IRAG1: variants seen among roughly 807,000 people sequenced by gnomAD.
The protein encoded by IRAG1 is inositol 1,4,5-triphosphate receptor associated 1.
A neutral mutation model predicts 106.2 loss-of-function variants in IRAG1; 62 were observed. The ratio of observed to expected loss-of-function variants is 0.58; its 90% CI spans 0.48 to 0.72. IRAG1 has a LOEUF of 0.72. Among genes scored for constraint, IRAG1 ranks in the 30% least tolerant of loss-of-function variants. The pLI is 0.00. For synonymous variants in IRAG1, 462 were observed against 443.9 expected (o/e 1.04, Z -0.51); for missense variants, 1,064 against 1,140.7 (o/e 0.93, Z 0.97).
chr11:10,675,519 CA>C (rs1397599756), intron 1 of IRAG1, among the ~76,000 whole-genome samples: 1 of 152,204 alleles, frequency 6.6e-6, no homozygotes, highest in African/African-American at 2.4e-5. Flanking sequence ...TAATTCCTAA[CA>C]ATGACGACTG....
chr11:10,660,356 C>A (rs567898754), intron 1 of IRAG1, among the ~76,000 whole-genome samples: 62 of 152,290 alleles, frequency 4.1e-4, no homozygotes, highest in African/African-American at 1.4e-3. Flanking sequence ...AGATTTATTT[C>A]TATTGTCTCT....
chr11:10,621,909 A>G (rs1855864984), intron 10 of IRAG1, among the ~76,000 whole-genome samples: 1 of 152,198 alleles, frequency 6.6e-6, no homozygotes, highest in South Asian at 2.1e-4. Flanking sequence ...AGTCAAATAC[A>G]TAGAGACAGA....
At chr11:10,691,072 C>A (rs1254233457) in intron 1 of IRAG1, among the ~76,000 whole-genome samples, 1 of 152,072 alleles carries the variant, frequency 6.6e-6, no homozygotes, top group Non-Finnish European at 1.5e-5. Flanking sequence ...GTGAGGTGAC[C>A]CAGGAGAGGA....
chr11:10,672,495 A>C (rs1860315529), intron 1 of IRAG1, among the ~76,000 whole-genome samples: 1 of 152,238 alleles, frequency 6.6e-6, no homozygotes, highest in South Asian at 2.1e-4. Context: ...CAAGTAATAC[A>C]ATTTTTAAAT....
At chr11:10,626,676 A>T in intron 8 of IRAG1, 93 bp from the exon 9 acceptor site, 2 of 1,404,782 alleles carry the variant, frequency 1.4e-6, no homozygotes, top group South Asian at 2.9e-5. Context: ...GCCCCCACAC[A>T]CCTTGCCAAG....
At chr11:10,684,309 G>A (rs1861490969) in intron 1 of IRAG1, among the ~76,000 whole-genome samples, 1 of 152,140 alleles carries the variant, frequency 6.6e-6, no homozygotes, top group Non-Finnish European at 1.5e-5. Context: ...CCTTTGTAGG[G>A]ACATGGATGA....
intron 1 of IRAG1, among the ~76,000 whole-genome samples, chr11:10,653,251 C>T (rs189284609): frequency 5.3e-5 from 8 of 152,224 alleles, no homozygotes; most frequent in Non-Finnish European, 8.8e-5. Flanking sequence ...GAGGGCAGAG[C>T]GAAGGGACCT....
At chr11:10,579,277 C>A (rs913232724) in intron 20 of IRAG1, among the ~76,000 whole-genome samples, 1 of 152,228 alleles carries the variant, frequency 6.6e-6, no homozygotes, top group African/African-American at 2.4e-5. Flanking sequence ...TGTGCCTATC[C>A]ATTTTGCTTC....
chr11:10,627,787 G>A lies in IRAG1; in HGVS notation c.706-27C>T, dbSNP rs1483716691. 3 of 1,613,872 alleles carry A rather than the reference G, an allele frequency of 1.9e-6. No homozygotes were observed. In the Admixed American group the frequency reaches 5.0e-5, roughly 27 times the overall value. On this transcript the variant is annotated intron_variant, in intron 7 of 20. Transcript: ENST00000423302. ...TGCTGGAGAAGGTGAACAGGAGTCA[G>A]TCAGCAATGGGAAGAGACCGTGTTT...
intron 1 of IRAG1, among the ~76,000 whole-genome samples, chr11:10,672,278 A>G (rs1200349117): frequency 6.6e-6 from 1 of 152,260 alleles, no homozygotes; most frequent in African/African-American, 2.4e-5. Context: ...TCCTTGGTTT[A>G]GACAATGCCT....
intron 2 of IRAG1, 62 bp from the exon 3 acceptor site, chr11:10,634,133 A>G (rs1327926148): frequency 3.0e-6 from 3 of 998,084 alleles, no homozygotes; most frequent in Non-Finnish European, 4.6e-6. Flanking sequence ...CAGGGACAGG[A>G]GCCAGAGCAT....
intron 1 of IRAG1, among the ~76,000 whole-genome samples, chr11:10,687,167 C>T (rs1169924663): frequency 6.6e-6 from 1 of 152,110 alleles, no homozygotes; most frequent in African/African-American, 2.4e-5. Flanking sequence ...AGCCTCGGCC[C>T]TGCCTGTCTC....
At chr11:10,604,920 T>A (rs1379466098) in intron 12 of IRAG1, among the ~76,000 whole-genome samples, 1 of 152,240 alleles carries the variant, frequency 6.6e-6, no homozygotes, top group Admixed American at 6.5e-5. Flanking sequence ...ATTTATTGCA[T>A]GAGGGGTTTT....
At position 10,665,512 on chromosome 11, in the gene IRAG1, A is replaced by G. The variant is rs1859720512; in HGVS notation, c.68-13330T>C. On this transcript the variant is annotated intron_variant, in intron 1 of 20. Transcript: ENST00000423302. This position sits in a 1 kb window ranked among gnomAD's most constrained non-coding sequence, Gnocchi z 4.2. ...AACCTTCAAATGATTTTCAAACATC[A>G]TTACTTCCTGGGGGCGACCACTCCA... Among the ~76,000 whole-genome samples the G allele has an allele frequency of 6.6e-6, 1 of 152,162 alleles. No homozygotes were observed. Among genetic ancestry groups the G allele is most frequent in the South Asian group, 2.1e-4 (1 of 4,824 alleles).
At chr11:10,690,870 A>G (rs1348897754) in intron 1 of IRAG1, among the ~76,000 whole-genome samples, 2 of 152,060 alleles carry the variant, frequency 1.3e-5, no homozygotes, top group Admixed American at 1.3e-4. Context: ...TACATTCACT[A>G]CCTGAGAACT....
intron 20 of IRAG1, among the ~76,000 whole-genome samples, chr11:10,580,189 C>T (rs144641055): frequency 3.9e-4 from 60 of 152,326 alleles, no homozygotes; most frequent in South Asian, 3.5e-3. Flanking sequence ...GCTCCTGGAG[C>T]TCTTGATTGC....
At chr11:10,638,595 G>A (rs774119592) in intron 2 of IRAG1, among the ~76,000 whole-genome samples, 1 of 152,198 alleles carries the variant, frequency 6.6e-6, no homozygotes, top group East Asian at 1.9e-4. Flanking sequence ...CCTTTTTCAT[G>A]TCTGTCATAT....
intron 1 of IRAG1, among the ~76,000 whole-genome samples, chr11:10,658,770 G>A (rs534474166): frequency 6.7e-6 from 1 of 150,050 alleles, no homozygotes; most frequent in Non-Finnish European, 1.5e-5. Flanking sequence ...TCCCAGGTCC[G>A]TGCTGTGCTT....
At chr11:10,632,545 G>T (rs1051893385) in intron 3 of IRAG1, among the ~76,000 whole-genome samples, 1 of 152,124 alleles carries the variant, frequency 6.6e-6, no homozygotes, top group Non-Finnish European at 1.5e-5. Context: ...CTTCTCGAGG[G>T]TTTCTCTGAC....
Sources: gnomAD v4.1 joint callset for allele counts (sites outside exome capture counted in the v4.1 genomes callset) on GRCh38, gnomAD v4.1.1 for gene constraint, Gnocchi (gnomAD v3.1) non-coding constraint, MANE v1.5 for transcripts, NCBI Gene and HGNC (gene_info 2026-07-23, HGNC 2026-07-21) for gene names.